TYW1: variants seen among roughly 807,000 people sequenced by gnomAD.
The protein encoded by TYW1 is tRNA-yW synthesizing protein 1 homolog.
Under a neutral mutation model 96.2 loss-of-function variants are expected in TYW1, and 46 were observed. The ratio of observed to expected loss-of-function variants is 0.48; its 90% CI spans 0.38 to 0.61. TYW1 has a LOEUF of 0.61. Ranked by LOEUF, TYW1 falls within the 20% of genes least tolerant of loss-of-function variation. TYW1 has a pLI of 0.00. For synonymous variants in TYW1, 274 were observed against 323.0 expected, an observed-to-expected ratio of 0.85 and a Z score of 1.63; for missense variants, 684 against 909.6, an observed-to-expected ratio of 0.75 and a Z score of 3.19.
chr7:67,120,678 T>C (rs568175485), intron 13 of TYW1, among the ~76,000 whole-genome samples: 15 of 152,358 alleles, frequency 9.8e-5, no homozygotes, highest in Admixed American at 7.2e-4. Flanking sequence ...CATTGTTATC[T>C]AGGCTGTGTT....
Position 67,137,461 on chromosome 7 carries a change from TAAATA to T in TYW1, c.1698+19852_1698+19856del, listed in dbSNP as rs577141068. ...CAAGACCTCATCTCTTTAAAAAAAATAAATAAAATAAAAGAGAAAAAAGGAAAATT... is the reference window on the plus strand; with the variant it reads ...CAAGACCTCATCTCTTTAAAAAAAATAAATAAAAGAGAAAAAAGGAAAATT... On this transcript the variant is annotated intron_variant, in intron 13 of 15. Transcript: ENST00000359626. Among the ~76,000 whole-genome samples, 39 of 151,972 alleles carry T rather than the reference TAAATA, an allele frequency of 2.6e-4. No individual in the cohort carries two copies. In the East Asian group the frequency reaches 6.0e-3, roughly 23 times the overall value.
intron 9 of TYW1, among the ~76,000 whole-genome samples, chr7:67,058,534 G>T (rs10249716): frequency 0.24 from 37,041 of 151,850 alleles, 4,793 homozygotes; most frequent in African/African-American, 0.32. Context: ...CCAGTCTATA[G>T]TGTAGTGGTG....
chr7:67,221,348 T>C (rs1460240882), intron 15 of TYW1, among the ~76,000 whole-genome samples: 1 of 152,230 alleles, frequency 6.6e-6, no homozygotes, highest in Non-Finnish European at 1.5e-5. Context: ...AATACCTTTT[T>C]CCATCCTTTC....
At chr7:67,093,775 G>A (rs989409468) in intron 11 of TYW1, among the ~76,000 whole-genome samples, 4 of 152,044 alleles carry the variant, frequency 2.6e-5, no homozygotes. Flanking sequence ...GACATCACCT[G>A]TCATGCTTAG....
At chr7:67,034,140 G>A (rs970183292) in intron 7 of TYW1, among the ~76,000 whole-genome samples, 7 of 144,386 alleles carry the variant, frequency 4.8e-5, no homozygotes, top group African/African-American at 1.8e-4. Context: ...GTCTTGCTCT[G>A]TTGCCCAGGC....
chr7:67,008,999 A>G (rs546730916), intron 3 of TYW1, among the ~76,000 whole-genome samples: 15 of 151,906 alleles, frequency 9.9e-5, no homozygotes, highest in Non-Finnish European at 1.2e-4. Context: ...CTCTGTGTTT[A>G]TTGTTTTTTA....
chr7:67,012,505 C>T (rs1377190872), intron 4 of TYW1, among the ~76,000 whole-genome samples: 1 of 152,066 alleles, frequency 6.6e-6, no homozygotes, highest in Non-Finnish European at 1.5e-5. Flanking sequence ...TGAATGTGCT[C>T]TAAATTATTT....
At chr7:67,002,920 C>T (rs1793455207) in intron 3 of TYW1, among the ~76,000 whole-genome samples, 1 of 148,636 alleles carries the variant, frequency 6.7e-6, no homozygotes, top group African/African-American at 2.5e-5. Context: ...GTGGCATTGG[C>T]CTCCCAAAGT....
chr7:67,031,224 C>T (rs1794664958), intron 7 of TYW1, among the ~76,000 whole-genome samples: 1 of 143,404 alleles, frequency 7.0e-6, no homozygotes, highest in Non-Finnish European at 1.5e-5. Context: ...AGTCTGTGTG[C>T]GGCTCAAACA....
intron 7 of TYW1, among the ~76,000 whole-genome samples, chr7:67,046,261 C>T (rs529967494): frequency 2.6e-5 from 4 of 152,056 alleles, no homozygotes; most frequent in South Asian, 2.1e-4. Flanking sequence ...TTCCCTGATC[C>T]GAGCCCTTTG....
In TYW1 at chr7:67,052,164, T is replaced by C. The variant is rs12667271; in HGVS notation, c.1102+2098T>C. 7.0e-4 allele frequency among the ~76,000 whole-genome samples: 107 copies of C among 152,292 alleles called. 1 individual carries two copies. In the East Asian group the frequency reaches 7.9e-3, roughly 11 times the overall value. The stretch of plus-strand genomic sequence containing the variant: ...CATGTTTCTTTTATTTGGGTTTTGT[T>C]GAGTGTCTTGGTTTTGTGGATTTAT... On this transcript the variant is annotated intron_variant, in intron 8 of 15. Transcript: ENST00000359626.
intron 10 of TYW1, among the ~76,000 whole-genome samples, chr7:67,075,336 G>A (rs891325380): frequency 1.3e-5 from 2 of 152,194 alleles, no homozygotes; most frequent in Non-Finnish European, 2.9e-5. Flanking sequence ...AGCCTGTGAA[G>A]TGGGGGCAGG....
Position 67,135,302 on chromosome 7 carries a change from G to GTTTTTTTTT in TYW1, c.1698+17696_1698+17704dup, listed in dbSNP as rs869257148. 9.1e-3 allele frequency among the ~76,000 whole-genome samples: 1,019 copies of GTTTTTTTTT among 111,774 alleles called. 74 individuals are homozygous for GTTTTTTTTT. The highest frequency in any genetic ancestry group is 0.036 in the African/African-American group (958 of 26,288). 73.3% of individuals were successfully genotyped at this position (111,774 alleles called of 152,430 possible). ...TCTTTTTGAATATGATGTTAAAACA[G>GTTTTTTTTT]TTTTTTTTTTTTTTTTTTTTGAGAC... On this transcript the variant is annotated intron_variant, in intron 13 of 15. Transcript: ENST00000359626.
At chr7:67,033,566 G>A (rs1215169725) in intron 7 of TYW1, among the ~76,000 whole-genome samples, 7 of 152,318 alleles carry the variant, frequency 4.6e-5, no homozygotes, top group South Asian at 2.1e-4. Flanking sequence ...ACAGCTCCCT[G>A]TAGCCTCTCT....
intron 14 of TYW1, among the ~76,000 whole-genome samples, chr7:67,183,751 A>G (rs180740155): frequency 2.0e-5 from 3 of 152,236 alleles, no homozygotes; most frequent in East Asian, 3.9e-4. Flanking sequence ...AAATTATATC[A>G]TTTACCCAGA....
intron 10 of TYW1, among the ~76,000 whole-genome samples, chr7:67,071,534 C>A (rs536210435): frequency 6.6e-6 from 1 of 151,984 alleles, no homozygotes; most frequent in South Asian, 2.1e-4. Context: ...CCCACTGCAA[C>A]CTCCACTTCC....
chr7:67,238,445 A>T lies in TYW1; in HGVS notation c.2115A>T (p.Leu705Phe). 1 of 1,613,946 alleles carries T rather than the reference A, an allele frequency of 6.2e-7. No homozygotes were observed. Among genetic ancestry groups the T allele is most frequent in the Non-Finnish European group, 8.5e-7 (1 of 1,179,860 alleles). ...DYMARTPHWALFGASERGFDP... is the reference protein window; with the variant it reads ...DYMARTPHWAFFGASERGFDP... Reference sequence around the variant, plus strand: ...TGGCCAGAACTCCTCACTGGGCATTATTTGGTGCCAGTGAAAGAGGCTTTG... The same window carrying T: ...TGGCCAGAACTCCTCACTGGGCATTTTTTGGTGCCAGTGAAAGAGGCTTTG... Residue 705 changes from leucine to phenylalanine, a missense_variant, in exon 16 of 16, where the codon TTA becomes TTT. Leu to Phe is a conservative substitution (Grantham distance 22). Coordinates refer to ENST00000359626, the MANE Select transcript of TYW1 (RefSeq NM_018264.4).
intron 13 of TYW1, among the ~76,000 whole-genome samples, chr7:67,159,228 C>T (rs1252708518): frequency 6.6e-6 from 1 of 152,030 alleles, no homozygotes; most frequent in Non-Finnish European, 1.5e-5. Flanking sequence ...TTTTCTTAAC[C>T]CATCTACTAT....
At chr7:67,105,247 G>A (rs554286029) in intron 12 of TYW1, among the ~76,000 whole-genome samples, 34 of 152,334 alleles carry the variant, frequency 2.2e-4, no homozygotes, top group Admixed American at 7.2e-4. Context: ...AGGAGGAGTC[G>A]ATGGCCACAT....
Sources: gnomAD v4.1 joint callset for allele counts (sites outside exome capture counted in the v4.1 genomes callset) on GRCh38, gnomAD v4.1.1 for gene constraint, MANE v1.5 for transcripts, NCBI Gene and HGNC (gene_info 2026-07-23, HGNC 2026-07-21) for gene names.